KALRN: variants seen among roughly 807,000 people sequenced by gnomAD.
KALRN encodes kalirin.
A neutral mutation model predicts 353.7 loss-of-function variants in KALRN; 70 were observed. That is an observed-to-expected ratio of 0.20 (90% confidence interval 0.16 to 0.24). KALRN has a LOEUF of 0.24. Ranked by LOEUF, KALRN falls within the 10% of genes least tolerant of loss-of-function variation. The pLI, the probability that KALRN is intolerant of heterozygous loss-of-function variation, is 1.00. For missense variants in KALRN, 2,791 were observed against 3,756.7 expected (o/e 0.74, Z 6.72); for synonymous variants, 1,391 against 1,434.8 (o/e 0.97, Z 0.69).
At position 124,597,822 on chromosome 3, in the gene KALRN, T is replaced by A. The variant is rs547859547; in HGVS notation, c.5183-34598T>A. ...ACTTTTGGAGCTACTGGGTTAAATG[T>A]AATGCAATAAAACTAATTTCACCTG... On this transcript the variant is annotated intron_variant, in intron 34 of 59. Transcript: ENST00000682506. Among the ~76,000 whole-genome samples the A allele has an allele frequency of 8.0e-4, 122 of 152,258 alleles. 1 individual carries two copies. Among genetic ancestry groups the A allele is most frequent in the Non-Finnish European group, 1.7e-3 (113 of 68,042 alleles).
intron 4 of KALRN, among the ~76,000 whole-genome samples, chr3:124,267,918 G>A (rs1259666776): frequency 6.6e-6 from 1 of 152,316 alleles, no homozygotes; most frequent in African/African-American, 2.4e-5. Context: ...CACAGAGGAG[G>A]AGACTGAGGC....
At chr3:124,333,829 A>C (rs2080850207) in intron 8 of KALRN, among the ~76,000 whole-genome samples, 1 of 152,166 alleles carries the variant, frequency 6.6e-6, no homozygotes, top group Non-Finnish European at 1.5e-5. Flanking sequence ...CAGAGGTTGC[A>C]GTGAGCCGAG....
chr3:124,544,481 T>C (rs1348730043), intron 33 of KALRN, among the ~76,000 whole-genome samples: 2 of 152,086 alleles, frequency 1.3e-5, no homozygotes, highest in African/African-American at 4.8e-5. Context: ...GAATCACTTG[T>C]ACCCGGGAGG....
At chr3:124,672,052 G>A (rs899777922) in intron 48 of KALRN, among the ~76,000 whole-genome samples, 154 bp downstream of exon 48, 7 of 152,122 alleles carry the variant, frequency 4.6e-5, no homozygotes, top group Non-Finnish European at 8.8e-5. Context: ...AGGTTCAAGC[G>A]AATTCTCCTG....
At chr3:124,159,876 T>TG (rs917404956) in intron 1 of KALRN, among the ~76,000 whole-genome samples, 1 of 151,706 alleles carries the variant, frequency 6.6e-6, no homozygotes, top group Non-Finnish European at 1.5e-5. Flanking sequence ...CTGATGGGTA[T>TG]GGGGGGAGAT....
At chr3:124,320,197 C>T (rs979987491) in intron 6 of KALRN, among the ~76,000 whole-genome samples, 2 of 152,196 alleles carry the variant, frequency 1.3e-5, no homozygotes, top group African/African-American at 4.8e-5. Flanking sequence ...GCCTCCCTCC[C>T]TTGACTTTTT....
chr3:124,576,962 C>T (rs1444508410), intron 34 of KALRN, among the ~76,000 whole-genome samples: 1 of 152,128 alleles, frequency 6.6e-6, no homozygotes, highest in Non-Finnish European at 1.5e-5. Flanking sequence ...TTGTTTTTAG[C>T]AATTCCAGCT....
chr3:124,369,777 C>T (rs1222337239), intron 10 of KALRN, among the ~76,000 whole-genome samples: 14 of 151,790 alleles, frequency 9.2e-5, no homozygotes. Context: ...TCACCACCCC[C>T]AATTATCCCA....
intron 1 of KALRN, among the ~76,000 whole-genome samples, chr3:124,143,742 G>A (rs2066928196): frequency 6.6e-6 from 1 of 152,152 alleles, no homozygotes; most frequent in African/African-American, 2.4e-5. Flanking sequence ...GGTAAACCAA[G>A]TGAAATTTAA....
intron 1 of KALRN, among the ~76,000 whole-genome samples, chr3:124,081,340 T>TA (rs2060533410): frequency 6.6e-6 from 1 of 152,222 alleles, no homozygotes; most frequent in Non-Finnish European, 1.5e-5. Context: ...TTGCCTGTCT[T>TA]ACCTATATGT....
At chr3:124,287,230 T>G (rs181262085) in intron 5 of KALRN, among the ~76,000 whole-genome samples, 2 of 152,274 alleles carry the variant, frequency 1.3e-5, no homozygotes, top group East Asian at 3.9e-4. Context: ...AAAATTTCTT[T>G]TTAGCTCTTA....
chr3:124,478,714 G>C (rs1046565136), intron 27 of KALRN, among the ~76,000 whole-genome samples: 1 of 152,168 alleles, frequency 6.6e-6, no homozygotes, highest in Non-Finnish European at 1.5e-5. Flanking sequence ...GGATGCTTCT[G>C]TTGATTATTC....
intron 34 of KALRN, among the ~76,000 whole-genome samples, chr3:124,611,305 C>T (rs371233005): frequency 3.2e-4 from 49 of 152,306 alleles, no homozygotes; most frequent in East Asian, 2.3e-3. Flanking sequence ...ACTGTGTCAA[C>T]ACACCCTAGA....
At position 124,404,429 on chromosome 3, in the gene KALRN, G is replaced by T. The variant is rs1291363239; in HGVS notation, c.2346+5558G>T. ...TCTTGGTCACTGTCTGCTGAATGGAGCCTGGCTCACATATAGGCTTGGATG... is the reference window on the plus strand; with the variant it reads ...TCTTGGTCACTGTCTGCTGAATGGATCCTGGCTCACATATAGGCTTGGATG... On this transcript the variant is annotated intron_variant, in intron 13 of 59. Transcript: ENST00000682506. Among the ~76,000 whole-genome samples the T allele has an allele frequency of 2.0e-5, 3 of 151,930 alleles. 1 individual carries two copies. Among genetic ancestry groups the T allele is most frequent in the Non-Finnish European group, 4.4e-5 (3 of 67,990 alleles).
intron 5 of KALRN, among the ~76,000 whole-genome samples, chr3:124,294,302 C>T (rs1234451156): frequency 6.6e-6 from 1 of 151,968 alleles, no homozygotes; most frequent in Non-Finnish European, 1.5e-5. Flanking sequence ...AAGCATGGCT[C>T]AGTGGGCACT....
intron 33 of KALRN, among the ~76,000 whole-genome samples, chr3:124,532,428 G>A (rs1233876221): frequency 6.6e-6 from 1 of 152,200 alleles, no homozygotes. Context: ...TTGGAATCAG[G>A]AAATTTAGTT....
chr3:124,679,818 A>C (rs2087583555), intron 51 of KALRN: 2 of 443,324 alleles, frequency 4.5e-6, no homozygotes, highest in Non-Finnish European at 8.4e-6. Context: ...TCATTATTTG[A>C]AACTTAGAAC....
At chr3:124,506,440 A>G (rs1459914199) in intron 33 of KALRN, among the ~76,000 whole-genome samples, 2 of 152,220 alleles carry the variant, frequency 1.3e-5, no homozygotes, top group African/African-American at 4.8e-5. Context: ...TGAGTCTTAC[A>G]TGTTCAGAAT....
intron 33 of KALRN, among the ~76,000 whole-genome samples, chr3:124,535,709 A>G (rs1463887125): frequency 6.6e-6 from 1 of 152,238 alleles, no homozygotes; most frequent in Non-Finnish European, 1.5e-5. Flanking sequence ...TCTGTCATCT[A>G]GATCAGGATC....
Sources: allele counts gnomAD v4.1 joint callset (sites outside exome capture counted in the v4.1 genomes callset), GRCh38; gene constraint gnomAD v4.1.1; transcripts MANE v1.5; gene names NCBI Gene and HGNC (gene_info 2026-07-23, HGNC 2026-07-21).